OXR1: variants seen among roughly 807,000 people sequenced by gnomAD.
The protein encoded by OXR1 is oxidation resistance protein 1.
OXR1 carries 41 observed loss-of-function variants against 104.6 expected under a neutral mutation model. The observed-to-expected ratio is 0.39, with a 90% CI of 0.31 to 0.51. The LOEUF is 0.51. Ranked by LOEUF, OXR1 falls within the 20% of genes least tolerant of loss-of-function variation. The probability of loss-of-function intolerance (pLI) is 0.77; values close to 1 mark genes in which losing one functional copy is unlikely to be tolerated. For synonymous variants in OXR1, 348 were observed against 348.4 expected (o/e 1.00, Z 0.01); for missense variants, 955 against 1,031.9 (o/e 0.93, Z 1.02).
chr8:106,488,839 G>GTT (rs1563556154), intron 2 of OXR1, among the ~76,000 whole-genome samples: 1 of 150,528 alleles, frequency 6.6e-6, no homozygotes, highest in Non-Finnish European at 1.5e-5. Context: ...TTGTAGTATA[G>GTT]TTTGAAGTCA....
chr8:106,591,929 G>A (rs529524738), intron 3 of OXR1, among the ~76,000 whole-genome samples: 4 of 152,314 alleles, frequency 2.6e-5, no homozygotes, highest in Middle Eastern at 3.4e-3. Flanking sequence ...GACACCTGGC[G>A]TGAGAGCTGC....
At chr8:106,327,167 G>T (rs1292152471) in intron 1 of OXR1, among the ~76,000 whole-genome samples, 10 of 152,008 alleles carry the variant, frequency 6.6e-5, no homozygotes, top group African/African-American at 2.4e-4. Flanking sequence ...CCAATGGTTA[G>T]CTCATTGTTT....
intron 1 of OXR1, among the ~76,000 whole-genome samples, chr8:106,339,158 G>A (rs1376142465): frequency 6.6e-6 from 1 of 151,816 alleles, no homozygotes; most frequent in African/African-American, 2.4e-5. Flanking sequence ...GCTCTTTGGG[G>A]ATCATTCCCT....
chr8:106,497,319 C>G (rs1811479990), intron 2 of OXR1, among the ~76,000 whole-genome samples: 1 of 152,094 alleles, frequency 6.6e-6, no homozygotes, highest in African/African-American at 2.4e-5. Context: ...ATTGGGGATT[C>G]AATTAATGGA....
At chr8:106,666,529 G>T (rs1826353020) in intron 3 of OXR1, among the ~76,000 whole-genome samples, 1 of 152,186 alleles carries the variant, frequency 6.6e-6, no homozygotes, top group South Asian at 2.1e-4. Context: ...AGGGACTGTG[G>T]CAATGAGATT....
chr8:106,478,613 T>A (rs1563548794), intron 2 of OXR1, among the ~76,000 whole-genome samples: 1 of 151,830 alleles, frequency 6.6e-6, no homozygotes. Flanking sequence ...CTGGACTTAG[T>A]TAAATCCAGA....
At chr8:106,630,639 AG>A (rs571259362) in intron 3 of OXR1, among the ~76,000 whole-genome samples, 212 of 152,340 alleles carry the variant, frequency 1.4e-3, no homozygotes, top group Non-Finnish European at 1.6e-3. Context: ...GTTTACACAA[AG>A]TAACATGATA....
intron 2 of OXR1, among the ~76,000 whole-genome samples, chr8:106,487,993 G>A (rs1392076722): frequency 4.7e-5 from 7 of 148,288 alleles, no homozygotes; most frequent in South Asian, 2.1e-4. Flanking sequence ...CTGAGGAATC[G>A]CCACACTGAC....
chr8:106,486,868 A>G (rs953217413), intron 2 of OXR1, among the ~76,000 whole-genome samples: 11 of 152,048 alleles, frequency 7.2e-5, no homozygotes, highest in Non-Finnish European at 1.5e-5. Context: ...TTGTATTATA[A>G]TAAGTTATAA....
At chr8:106,500,559 C>T (rs1054155568) in intron 2 of OXR1, among the ~76,000 whole-genome samples, 2 of 151,708 alleles carry the variant, frequency 1.3e-5, no homozygotes, top group Non-Finnish European at 3.0e-5. Context: ...TCAGGGAGCT[C>T]GGATTTTAAG....
intron 3 of OXR1, among the ~76,000 whole-genome samples, chr8:106,574,220 AT>A (rs55805161): frequency 0.066 from 10,008 of 152,254 alleles, 454 homozygotes; most frequent in Non-Finnish European, 0.098. Flanking sequence ...CAAAATGTTT[AT>A]TTTTGTCTCA....
intron 11 of OXR1, chr8:106,725,965 C>G: frequency 6.1e-6 from 2 of 328,920 alleles, no homozygotes; most frequent in Non-Finnish European, 1.1e-5. Flanking sequence ...AACTTTTGAG[C>G]CCTTTCTTTG....
At chr8:106,512,773 A>G (rs936254699) in intron 2 of OXR1, among the ~76,000 whole-genome samples, 4 of 152,236 alleles carry the variant, frequency 2.6e-5, no homozygotes, top group Admixed American at 2.6e-4. Context: ...GGAAAGAGAA[A>G]ACCCCACAGA....
In OXR1 at chr8:106,359,777, G is replaced by A. The variant is rs114839223; in HGVS notation, c.23+141G>A. ...CCAAAGATTATTGTCCCATGTTAGCGTAAAGAAAGCAATCTAGGATTAGAA... is the reference window on the plus strand; with the variant it reads ...CCAAAGATTATTGTCCCATGTTAGCATAAAGAAAGCAATCTAGGATTAGAA... On this transcript the variant is annotated intron_variant, in intron 2 of 16. Coordinates refer to ENST00000517566, the MANE Select transcript of OXR1 (RefSeq NM_001198533.2). 3,503 of 665,040 alleles carry A rather than the reference G, an allele frequency of 5.3e-3. 62 individuals carry two copies. Among genetic ancestry groups the A allele is most frequent in the African/African-American group, 0.04 (2,250 of 55,632 alleles). The allele number at this position is 665,040 out of a possible 1,614,324, so 41.2% of individuals were successfully genotyped here.
chr8:106,299,598 G>C (rs1450466721), intron 1 of OXR1, among the ~76,000 whole-genome samples: 1 of 151,940 alleles, frequency 6.6e-6, no homozygotes, highest in Non-Finnish European at 1.5e-5. Context: ...TTGCTTTGTG[G>C]CATTAGCCTC....
intron 3 of OXR1, among the ~76,000 whole-genome samples, chr8:106,647,448 A>C (rs979041383): frequency 1.3e-5 from 2 of 152,184 alleles, no homozygotes; most frequent in Non-Finnish European, 2.9e-5. Flanking sequence ...TATGATAAGG[A>C]ATTTGAATGT....
intron 2 of OXR1, among the ~76,000 whole-genome samples, chr8:106,467,935 C>T (rs1022735252): frequency 4.6e-5 from 7 of 151,618 alleles, no homozygotes; most frequent in African/African-American, 1.5e-4. Context: ...TCCCAAATGG[C>T]CTGGGTGATT....
rs537558867 is a variant in OXR1 at position 106,484,280 on chromosome 8, T to A, written c.24-34663T>A. Among the ~76,000 whole-genome samples, 12 of 152,074 alleles carry A rather than the reference T, an allele frequency of 7.9e-5. No individual in the cohort carries two copies. The East Asian group carries it at 2.3e-3, about 30-fold the overall frequency. On this transcript the variant is annotated intron_variant, in intron 2 of 16. Transcript: ENST00000517566. ...TTAACAATTATTGTTTATTTCAAAATAACAAAAAGAGTAGAATTGCAATGT... is the reference window on the plus strand; with the variant it reads ...TTAACAATTATTGTTTATTTCAAAAAAACAAAAAGAGTAGAATTGCAATGT...
intron 3 of OXR1, among the ~76,000 whole-genome samples, chr8:106,622,385 T>C (rs1033048255): frequency 1.3e-5 from 2 of 152,000 alleles, no homozygotes; most frequent in Non-Finnish European, 2.9e-5. Context: ...TGAATCTCAT[T>C]GTATCGCTCC....
Sources: gnomAD v4.1 joint callset for allele counts (sites outside exome capture counted in the v4.1 genomes callset) on GRCh38, gnomAD v4.1.1 for gene constraint, MANE v1.5 for transcripts, NCBI Gene and HGNC (gene_info 2026-07-23, HGNC 2026-07-21) for gene names.